The following ZC3H11A variants were observed in gnomAD, a reference collection of about 807,000 sequenced individuals.
The protein encoded by ZC3H11A is zinc finger CCCH domain-containing protein 11A.
In ZC3H11A, 22 loss-of-function variants were observed where a neutral mutation model predicts 90.8. The ratio of observed to expected loss-of-function variants is 0.24; its 90% confidence interval spans 0.17 to 0.35. ZC3H11A has a LOEUF of 0.35. ZC3H11A is among the 10% of genes least tolerant of loss of function. The probability of loss-of-function intolerance (pLI) is 1.00; values close to 1 mark genes in which losing one functional copy is unlikely to be tolerated. For synonymous variants in ZC3H11A, 294 were observed against 339.8 expected, an observed-to-expected ratio of 0.87 and a Z score of 1.48; for missense variants, 701 against 964.9, an observed-to-expected ratio of 0.73 and a Z score of 3.62.
At chr1:203,836,638 T>C (rs1371092011) in intron 10 of ZC3H11A, among the ~76,000 whole-genome samples, 1 of 152,148 alleles carries the variant, frequency 6.6e-6, no homozygotes, top group Non-Finnish European at 1.5e-5. Flanking sequence ...CAGCCAGGCA[T>C]GGTGGCATGC....
At chr1:203,816,476 A>G (rs1676418077) in intron 2 of ZC3H11A, among the ~76,000 whole-genome samples, 1 of 152,056 alleles carries the variant, frequency 6.6e-6, no homozygotes, top group Non-Finnish European at 1.5e-5. Context: ...TTTTTTTTAA[A>G]AAATTAGCTG....
chr1:203,835,836 G>A (rs566800412), intron 10 of ZC3H11A: 11 of 243,610 alleles, frequency 4.5e-5, no homozygotes, highest in Admixed American at 3.5e-4. Context: ...TTTAAGAAAA[G>A]CTATGTGCTC....
chr1:203,847,723 C>T (rs1384928288), intron 13 of ZC3H11A, 36 bp downstream of exon 13: 3 of 1,591,232 alleles, frequency 1.9e-6, no homozygotes, highest in South Asian at 1.1e-5. Flanking sequence ...ACCACGTCCC[C>T]ACATAATATT....
At chr1:203,820,134 CTG>C in intron 4 of ZC3H11A, among the ~76,000 whole-genome samples, 2 of 151,396 alleles carry the variant, frequency 1.3e-5, no homozygotes, top group East Asian at 4.0e-4. Flanking sequence ...ATTCAGGAGG[CTG>C]AAGCAGGAGA....
chr1:203,852,292 C>T lies in ZC3H11A; in HGVS notation c.2326C>T (p.Leu776=). Residue 776 remains leucine (L), a synonymous_variant, in exon 18 of 18, where the codon CTA becomes TTA. Transcript: ENST00000367210. ...PLSVEDDFEK[L]IWEISGGKLE... ...CTCTGTGGAGGATGATTTTGAGAAA[C>T]TAATATGGGAGATTTCAGGAGGCAA... The T allele has an allele frequency of 1.2e-6, 2 of 1,613,604 alleles. No individual in the cohort carries two copies. Among genetic ancestry groups the T allele is most frequent in the South Asian group, 1.1e-5 (1 of 91,070 alleles).
intron 2 of ZC3H11A, among the ~76,000 whole-genome samples, chr1:203,806,830 C>CTTTTTT (rs373591619): frequency 8.5e-6 from 1 of 117,858 alleles, no homozygotes. Flanking sequence ...CCTCAGGTTC[C>CTTTTTT]TTTTTTTTTT....
At position 203,832,569 on chromosome 1, in the gene ZC3H11A, C is replaced by T. The variant is rs1200177445; in HGVS notation, c.811+798C>T. On this transcript the variant is annotated intron_variant, in intron 9 of 17. Transcript: ENST00000367210. ...AGAAACGGGGTTTCACCATGTTGGC[C>T]ACACTGGTCTTGAACTGCTGGCCTC... 2.0e-5 allele frequency among the ~76,000 whole-genome samples: 3 copies of T among 152,280 alleles called. No individual in the cohort carries two copies. In the East Asian group the frequency reaches 5.8e-4, roughly 29 times the overall value.
intron 12 of ZC3H11A, among the ~76,000 whole-genome samples, chr1:203,846,308 G>A (rs1687897350): frequency 6.6e-6 from 1 of 152,060 alleles, no homozygotes; most frequent in South Asian, 2.1e-4. Flanking sequence ...TCTGTGAAGT[G>A]TGACATTTGG....
At chr1:203,827,456 G>A (rs998461017) in intron 4 of ZC3H11A, among the ~76,000 whole-genome samples, 4 of 151,454 alleles carry the variant, frequency 2.6e-5, no homozygotes, top group East Asian at 3.9e-4. Flanking sequence ...TGAGGCGGGC[G>A]GATCACGAGG....
chr1:203,833,677 G>C (rs1362864668), intron 9 of ZC3H11A, 114 bp from the exon 10 acceptor site: 4 of 508,042 alleles, frequency 7.9e-6, no homozygotes, highest in Non-Finnish European at 1.2e-5. Context: ...TGATTTTCAA[G>C]AGACTTTCTG....
intron 9 of ZC3H11A, among the ~76,000 whole-genome samples, chr1:203,832,396 T>G (rs1049442796): frequency 4.6e-5 from 7 of 151,996 alleles, no homozygotes; most frequent in African/African-American, 1.7e-4. Context: ...AGTCTTGCTC[T>G]GTCGCCCAGG....
intron 1 of ZC3H11A, chr1:203,800,254 G>A: frequency 8.9e-7 from 1 of 1,120,378 alleles, no homozygotes; most frequent in Non-Finnish European, 1.3e-6. Context: ...TGCCCCATGT[G>A]TAGTTGGCAA....
chr1:203,845,142 C>G (rs1159191036), intron 12 of ZC3H11A, among the ~76,000 whole-genome samples: 1 of 152,142 alleles, frequency 6.6e-6, no homozygotes, highest in Non-Finnish European at 1.5e-5. Context: ...TTCCATTTTT[C>G]TGTAAATTCA....
chr1:203,823,578 A>G (rs989176093), intron 4 of ZC3H11A, among the ~76,000 whole-genome samples: 2 of 152,254 alleles, frequency 1.3e-5, no homozygotes, highest in Non-Finnish European at 2.9e-5. Context: ...TGGAGCGTCT[A>G]AAAGCCAAGG....
In ZC3H11A at chr1:203,849,781, A is replaced by G; in HGVS notation, c.1694A>G (p.Lys565Arg). The G allele has an allele frequency of 6.2e-7, 1 of 1,613,956 alleles. No homozygotes were observed. The highest frequency in any genetic ancestry group is 1.7e-4 in the Middle Eastern group (1 of 6,056). Reference sequence around the variant, plus strand: ...AAGAGATGTGAGACCATGAGAGAGAAGCACATGCAGAAACAGCAGGAGAGG... The same window carrying G: ...AAGAGATGTGAGACCATGAGAGAGAGGCACATGCAGAAACAGCAGGAGAGG... ...QVKRCETMRE[K>R]HMQKQQEREK... Residue 565 changes from lysine to arginine, a missense_variant, in exon 15 of 18, where the codon AAG becomes AGG. Lys to Arg is a conservative substitution (Grantham distance 26). This residue lies in a region of ZC3H11A where 530 missense variants were observed against 696.2 expected (regional missense o/e 0.76). Coordinates refer to ENST00000367210, the MANE Select transcript of ZC3H11A (RefSeq NM_001376342.1).
chr1:203,850,247 T>C (rs564293628), intron 15 of ZC3H11A: 7 of 653,040 alleles, frequency 1.1e-5, no homozygotes, highest in Admixed American at 3.0e-5. Flanking sequence ...TGTAAAACTT[T>C]CTATGGTGCA....
rs1668172245 is a variant in ZC3H11A, at chr1:203,795,729, G to T, written c.-1653G>T. On this transcript the variant is annotated 5_prime_UTR_variant, in exon 1 of 18. Transcript: ENST00000367210. ...ACGGACGGCAGCGGCCAAGCAAGAA[G>T]AAAGACGTGGCAGCAAGCGGGAGTC... 1 of 152,246 alleles carries T rather than the reference G, an allele frequency of 6.6e-6. No individual in the cohort carries two copies. The highest frequency in any genetic ancestry group is 2.1e-4 in the South Asian group (1 of 4,838). 9.4% of individuals were successfully genotyped at this position (152,246 alleles called of 1,614,324 possible).
At chr1:203,836,477 C>CGGTA (rs1158714179) in intron 10 of ZC3H11A, among the ~76,000 whole-genome samples, 1 of 152,126 alleles carries the variant, frequency 6.6e-6, no homozygotes, top group Non-Finnish European at 1.5e-5. Context: ...AGGCTGGGCG[C>CGGTA]GGTAGCTTAC....
rs368332657 is a variant in ZC3H11A at position 203,829,752 on chromosome 1, T to A, written c.503-28T>A. 3.1e-6 allele frequency: 5 copies of A among 1,612,796 alleles called. No individual in the cohort carries two copies. The African/African-American group carries it at 6.7e-5, about 22-fold the overall frequency. On this transcript the variant is annotated intron_variant, in intron 6 of 17. Transcript: ENST00000367210. ...AAAGCTATAGGCGTATTTTTAATTG[T>A]GAATTTGCCTTAAATGTTGATATAT... is the stretch of plus-strand genomic sequence containing the variant.
Sources: gnomAD v4.1 joint callset for allele counts (sites outside exome capture counted in the v4.1 genomes callset) on GRCh38, gnomAD v4.1.1 for gene constraint, gnomAD v4.1.1 regional missense constraint, MANE v1.5 for transcripts, NCBI Gene and HGNC (gene_info 2026-07-23, HGNC 2026-07-21) for gene names.